NAALAD2: variants seen among roughly 807,000 people sequenced by gnomAD.
NAALAD2 encodes the protein N-acetylated alpha-linked acidic dipeptidase 2.
NAALAD2 carries 89 observed loss-of-function variants against 95.6 expected under a neutral mutation model. That is an observed-to-expected ratio of 0.93 (90% CI 0.78 to 1.11). NAALAD2 has a LOEUF of 1.11. Ranked by LOEUF, NAALAD2 falls within the 50% of genes least tolerant of loss-of-function variation. NAALAD2 has a pLI of 0.00. For synonymous variants in NAALAD2, 264 were observed against 294.4 expected (o/e 0.90, Z 1.06); for missense variants, 894 against 872.4 (o/e 1.02, Z -0.31).
intron 13 of NAALAD2, among the ~76,000 whole-genome samples, chr11:90,172,552 G>A (rs1952674146): frequency 6.6e-6 from 1 of 152,074 alleles, no homozygotes; most frequent in Admixed American, 6.6e-5. Flanking sequence ...AAATTTAATT[G>A]CCATTTTCTC....
At chr11:90,161,474 A>G (rs541454965) in intron 8 of NAALAD2, among the ~76,000 whole-genome samples, 1 of 152,188 alleles carries the variant, frequency 6.6e-6, no homozygotes, top group East Asian at 1.9e-4. Context: ...ATGCCCCGGG[A>G]ACCATTCTGG....
intron 18 of NAALAD2, among the ~76,000 whole-genome samples, chr11:90,185,678 T>C (rs1369813814): frequency 6.6e-6 from 1 of 152,136 alleles, no homozygotes; most frequent in Non-Finnish European, 1.5e-5. Flanking sequence ...TTTTTTTAGA[T>C]AAAAGATTTG....
chr11:90,146,298 T>A (rs1385723292), intron 2 of NAALAD2, among the ~76,000 whole-genome samples: 7 of 146,242 alleles, frequency 4.8e-5, no homozygotes, highest in Admixed American at 1.4e-4. Flanking sequence ...AAAAAAAAAA[T>A]TAAAAAAGGG....
At chr11:90,137,643 A>G (rs993236444) in intron 2 of NAALAD2, among the ~76,000 whole-genome samples, 6 of 152,028 alleles carry the variant, frequency 3.9e-5, no homozygotes, top group African/African-American at 1.5e-4. Flanking sequence ...TCACTCCATC[A>G]CCCAGGCTGG....
In NAALAD2 at chr11:90,152,456, C is replaced by A. The variant is rs889603251; in HGVS notation, c.768C>A (p.Asp256Glu). The A allele has an allele frequency of 5.0e-6, 8 of 1,612,744 alleles. No homozygotes were observed. The highest frequency in any genetic ancestry group is 3.3e-5 in the Admixed American group (2 of 59,956). The change falls in exon 6 of 19, where the codon GAC (aspartate) becomes GAA (glutamate). Residue 256 changes from aspartate to glutamate, a missense_variant. Physicochemically the swap from Asp to Glu is conservative, Grantham distance 45. Coordinates refer to ENST00000534061, the MANE Select transcript of NAALAD2 (RefSeq NM_005467.4). ...GNVLNLNGAG[D>E]PLTPGYPAKE... Reference sequence around the variant, plus strand: ...TGTTAAATTTGAATGGTGCTGGTGACCCACTCACTCCAGGCTATCCAGCAA... The same window carrying A: ...TGTTAAATTTGAATGGTGCTGGTGAACCACTCACTCCAGGCTATCCAGCAA...
intron 1 of NAALAD2, 199 bp downstream of exon 1, chr11:90,135,039 G>T: frequency 1.8e-6 from 1 of 558,110 alleles, no homozygotes. Flanking sequence ...GATAAAGTGT[G>T]CTTGAAATTC....
intron 6 of NAALAD2, among the ~76,000 whole-genome samples, chr11:90,157,133 AT>A (rs1217805003): frequency 6.6e-6 from 1 of 152,190 alleles, no homozygotes; most frequent in Non-Finnish European, 1.5e-5. Context: ...AAAGTCTTAT[AT>A]ACTTACTGAT....
At chr11:90,158,295 C>A in intron 7 of NAALAD2, 57 bp downstream of exon 7, 1 of 1,305,410 alleles carries the variant, frequency 7.7e-7, no homozygotes, top group Non-Finnish European at 1.1e-6. Context: ...TGTCTATTTT[C>A]TCATTGAAAA....
chr11:90,173,861 T>C lies in NAALAD2; in HGVS notation c.1448T>C (p.Leu483Pro), dbSNP rs529226056. 1.5e-5 allele frequency: 25 copies of C among 1,613,244 alleles called. No homozygotes were observed. In the Admixed American group the frequency reaches 2.5e-4, roughly 16 times the overall value. ...SPDDGFESKS[L>P]YESWLEKDPS... ...GATGATGGGTTTGAGAGTAAATCACTGTATGAAAGCTGGTTGGAAAAAGAC... is the reference window on the plus strand; with the variant it reads ...GATGATGGGTTTGAGAGTAAATCACCGTATGAAAGCTGGTTGGAAAAAGAC... The change falls in exon 14 of 19, where the codon CTG (leucine) becomes CCG (proline). Residue 483 changes from leucine to proline, a missense_variant. By Grantham distance (98) the Leu-to-Pro change is moderately conservative (BLOSUM62 -3). Transcript: ENST00000534061.
In NAALAD2 at chr11:90,177,883, T is replaced by C; in HGVS notation, c.1624T>C (p.Tyr542His). 1 of 1,613,926 alleles carries C rather than the reference T, an allele frequency of 6.2e-7. No homozygotes were observed. The highest frequency in any genetic ancestry group is 8.5e-7 in the Non-Finnish European group (1 of 1,179,918). The stretch of plus-strand genomic sequence containing the variant: ...AGATAAGTACAGCAGCTACCCAGTG[T>C]ACCACACAATTTATGAGACATTTGA... ...KTDKYSSYPVYHTIYETFELV... is the reference protein window; with the variant it reads ...KTDKYSSYPVHHTIYETFELV... Residue 542 changes from tyrosine (Y) to histidine (H), a missense_variant, in exon 16 of 19, where the codon TAC (tyrosine) becomes CAC (histidine). Coordinates refer to ENST00000534061, the MANE Select transcript of NAALAD2 (RefSeq NM_005467.4).
intron 11 of NAALAD2, among the ~76,000 whole-genome samples, chr11:90,166,083 T>C (rs1175287911): frequency 6.6e-6 from 1 of 152,234 alleles, no homozygotes; most frequent in African/African-American, 2.4e-5. Flanking sequence ...TATATTTCTC[T>C]GTAATGGAGT....
rs912279415 is a variant in NAALAD2, at chr11:90,182,567, G to C, written c.1941-349G>C. ...TGCTCCTTTTTTCAGCAGTAGAACC[G>C]AATGACTTATCAGGAATAACTTGAT... On this transcript the variant is annotated intron_variant, in intron 17 of 18. Transcript: ENST00000534061. Among the ~76,000 whole-genome samples, 7 of 152,074 alleles carry C rather than the reference G, an allele frequency of 4.6e-5. 1 individual carries two copies. The highest frequency in any genetic ancestry group is 1.0e-4 in the Non-Finnish European group (7 of 67,990).
intron 2 of NAALAD2, 52 bp downstream of exon 2, chr11:90,135,722 G>A (rs779605469): frequency 2.1e-6 from 3 of 1,454,656 alleles, no homozygotes; most frequent in Non-Finnish European, 2.9e-6. Flanking sequence ...AAATATCACA[G>A]TGAGAAGCAT....
intron 18 of NAALAD2, among the ~76,000 whole-genome samples, chr11:90,190,591 T>C (rs1347984602): frequency 6.6e-6 from 1 of 152,186 alleles, no homozygotes; most frequent in Non-Finnish European, 1.5e-5. Flanking sequence ...ATCTATGACT[T>C]GCATCTCTAA....
chr11:90,190,433 T>G (rs188550572), intron 18 of NAALAD2, among the ~76,000 whole-genome samples: 1 of 152,316 alleles, frequency 6.6e-6, no homozygotes, highest in East Asian at 1.9e-4. Context: ...CTGGGACAAA[T>G]TTAGACAACT....
At chr11:90,151,387 C>T (rs1056473807) in intron 5 of NAALAD2, among the ~76,000 whole-genome samples, 3 of 152,020 alleles carry the variant, frequency 2.0e-5, no homozygotes, top group African/African-American at 7.3e-5. Flanking sequence ...AATTGATAAG[C>T]CATTTATTTA....
At position 90,150,596 on chromosome 11, in the gene NAALAD2, A is replaced by G; in HGVS notation, c.598A>G (p.Arg200Gly). The change falls in exon 5 of 19, where the codon AGA (arginine) becomes GGA (glycine). Residue 200 changes from arginine (R) to glycine (G), a missense_variant. Transcript: ENST00000534061. ...IVIARYGKIF[R>G]GNKVKNAMLA... Reference sequence around the variant, plus strand: ...TATTGCAAGATATGGAAAAATCTTCAGAGGAAATAAAGTACAGTATTATTT... The same window carrying G: ...TATTGCAAGATATGGAAAAATCTTCGGAGGAAATAAAGTACAGTATTATTT... 6.3e-7 allele frequency: 1 copy of G among 1,591,584 alleles called. No individual in the cohort carries two copies. The highest frequency in any genetic ancestry group is 8.6e-7 in the Non-Finnish European group (1 of 1,161,218).
rs1952581821 is a variant in NAALAD2, at chr11:90,169,818, C to T, written c.1343-251C>T. On this transcript the variant is annotated intron_variant, in intron 12 of 18. Transcript: ENST00000534061. Reference sequence around the variant, plus strand: ...AAGAATTGCTGCCATGAGAATGACCCTTATAATCACTGTGACAGCTGCTGC... The same window carrying T: ...AAGAATTGCTGCCATGAGAATGACCTTTATAATCACTGTGACAGCTGCTGC... 9.1e-6 allele frequency: 4 copies of T among 441,232 alleles called. No individual in the cohort carries two copies. The East Asian group carries it at 1.7e-4, about 19-fold the overall frequency. 27.3% of individuals were successfully genotyped at this position (441,232 alleles called of 1,614,324 possible).
At chr11:90,142,548 A>C (rs1384591697) in intron 2 of NAALAD2, among the ~76,000 whole-genome samples, 2 of 152,134 alleles carry the variant, frequency 1.3e-5, no homozygotes, top group Non-Finnish European at 2.9e-5. Flanking sequence ...TTAGAATTAA[A>C]ATGTACCCTC....
Sources: gnomAD v4.1 joint callset for allele counts (sites outside exome capture counted in the v4.1 genomes callset) on GRCh38, gnomAD v4.1.1 for gene constraint, MANE v1.5 for transcripts, NCBI Gene and HGNC (gene_info 2026-07-23, HGNC 2026-07-21) for gene names.